The following CFAP221 variants were observed in gnomAD, a reference collection of about 807,000 sequenced individuals.
The protein encoded by CFAP221 is cilia- and flagella-associated protein 221.
In CFAP221, 97 loss-of-function variants were observed where a neutral mutation model predicts 113.1. That is an observed-to-expected ratio of 0.86 (90% confidence interval 0.73 to 1.02). The LOEUF is 1.02. CFAP221 is among the 50% of genes least tolerant of loss of function. The pLI, the probability that CFAP221 is intolerant of heterozygous loss-of-function variation, is 0.00. For synonymous variants in CFAP221, 331 were observed against 354.4 expected, an observed-to-expected ratio of 0.93 and a Z score of 0.74; for missense variants, 1,025 against 1,013.4, an observed-to-expected ratio of 1.01 and a Z score of -0.16.
rs777702663 is a variant in CFAP221 at position 119,638,341 on chromosome 2, C to A, written c.2057C>A (p.Pro686His). 1 of 1,614,124 alleles carries A rather than the reference C, an allele frequency of 6.2e-7. No individual in the cohort carries two copies. Among genetic ancestry groups the A allele is most frequent in the East Asian group, 2.2e-5 (1 of 44,884 alleles). Residue 686 changes from proline to histidine, a missense_variant, in exon 20 of 24, where the codon CCC becomes CAC. By Grantham distance (77) the Pro-to-His change is moderately conservative. Transcript: ENST00000413369. ...TLIDYHLCSHPKYKFTKESRH... is the reference protein window; with the variant it reads ...TLIDYHLCSHHKYKFTKESRH... ...ATAGATTACCATCTATGCTCTCACC[C>A]CAAGTACAAATTCACCAAAGAGTCC... is the stretch of plus-strand genomic sequence containing the variant.
chr2:119,589,596 C>T (rs1444963112), intron 7 of CFAP221: 2 of 152,240 alleles, frequency 1.3e-5, no homozygotes, highest in Admixed American at 6.5e-5. Context: ...GAAGCCATAT[C>T]TTCTCTAGGA....
chr2:119,659,718 G>A (rs72965070), downstream of CFAP221, among the ~76,000 whole-genome samples: 28,447 of 90,088 alleles, frequency 0.32, 2,848 homozygotes, highest in African/African-American at 0.35. Flanking sequence ...TAACCCACTC[G>A]TCCGCACCCC....
chr2:119,587,428 C>T (rs976594035), intron 7 of CFAP221, among the ~76,000 whole-genome samples: 11 of 152,264 alleles, frequency 7.2e-5, no homozygotes, highest in East Asian at 5.8e-4. Context: ...CTTCCATGAT[C>T]GAAACTTGAA....
chr2:119,612,817 C>T (rs1019272901), intron 13 of CFAP221, among the ~76,000 whole-genome samples: 2 of 152,212 alleles, frequency 1.3e-5, no homozygotes, highest in African/African-American at 4.8e-5. Flanking sequence ...CAATCATGCC[C>T]TTCCAACAGT....
chr2:119,545,574 C>G (rs900137716), intron 1 of CFAP221, among the ~76,000 whole-genome samples: 4 of 152,212 alleles, frequency 2.6e-5, no homozygotes, highest in Non-Finnish European at 4.4e-5. Context: ...CTCCTCATCA[C>G]CCTGTTAGCA....
intron 3 of CFAP221, among the ~76,000 whole-genome samples, chr2:119,557,907 G>A (rs371727776): frequency 4.8e-5 from 7 of 145,050 alleles, no homozygotes; most frequent in Admixed American, 7.1e-5. Flanking sequence ...TGCAGTGAGC[G>A]AAGATCGCGC....
chr2:119,639,490 A>G (rs1558987696), intron 20 of CFAP221, among the ~76,000 whole-genome samples: 1 of 152,154 alleles, frequency 6.6e-6, no homozygotes, highest in Non-Finnish European at 1.5e-5. Context: ...CAATAAACAA[A>G]ATAGATTCTA....
At chr2:119,582,749 C>T (rs1433575584) in intron 6 of CFAP221, among the ~76,000 whole-genome samples, 2 of 152,060 alleles carry the variant, frequency 1.3e-5, no homozygotes, top group Admixed American at 1.3e-4. Flanking sequence ...AGCCACAGCA[C>T]CCAGCTGTCA....
intron 6 of CFAP221, among the ~76,000 whole-genome samples, chr2:119,569,065 G>A (rs920088081): frequency 1.3e-5 from 2 of 151,840 alleles, no homozygotes; most frequent in African/African-American, 4.8e-5. Context: ...GGATAAGTCT[G>A]ATGTAATTCT....
intron 21 of CFAP221, among the ~76,000 whole-genome samples, chr2:119,642,567 A>T (rs1411894379): frequency 1.5e-5 from 2 of 131,724 alleles, no homozygotes; most frequent in Non-Finnish European, 3.1e-5. Context: ...TTTAGATGAG[A>T]TATCACTATC....
chr2:119,564,437 A>G (rs1681479826), intron 6 of CFAP221, among the ~76,000 whole-genome samples: 1 of 152,194 alleles, frequency 6.6e-6, no homozygotes, highest in African/African-American at 2.4e-5. Flanking sequence ...CACAGTTTGA[A>G]TAATAATAAT....
chr2:119,621,800 C>T (rs900129764), intron 14 of CFAP221, among the ~76,000 whole-genome samples: 5 of 152,024 alleles, frequency 3.3e-5, no homozygotes, highest in Admixed American at 1.3e-4. Context: ...GGGTAAATAA[C>T]GAAATGAAGA....
chr2:119,567,078 A>G (rs770006275), intron 6 of CFAP221, among the ~76,000 whole-genome samples: 2 of 151,576 alleles, frequency 1.3e-5, no homozygotes, highest in Admixed American at 6.6e-5. Flanking sequence ...CTTATCAACA[A>G]CCCCCACCCA....
At chr2:119,547,805 TATG>T (rs1188114035) in intron 2 of CFAP221, among the ~76,000 whole-genome samples, 3 of 152,084 alleles carry the variant, frequency 2.0e-5, no homozygotes, top group African/African-American at 7.2e-5. Context: ...ATCCTAGAAT[TATG>T]ATGATCAAAG....
chr2:119,636,480 T>C (rs1023568594), intron 19 of CFAP221, among the ~76,000 whole-genome samples: 4 of 152,190 alleles, frequency 2.6e-5, no homozygotes, highest in African/African-American at 9.7e-5. Flanking sequence ...AGCAGAATAA[T>C]GTAATCTTCA....
intron 14 of CFAP221, among the ~76,000 whole-genome samples, chr2:119,620,726 C>T (rs1368608089): frequency 6.6e-6 from 1 of 152,052 alleles, no homozygotes; most frequent in Admixed American, 6.6e-5. Context: ...TGACAGGATC[C>T]AATTCACACA....
In CFAP221 at chr2:119,638,549, C is replaced by T. The variant is rs536723116; in HGVS notation, c.2133+132C>T. ...AGCTGCAGAACAAGAATGGTAACACCGCCCCTCATACCGCCAGCCCTAAAG... is the reference window on the plus strand; with the variant it reads ...AGCTGCAGAACAAGAATGGTAACACTGCCCCTCATACCGCCAGCCCTAAAG... On this transcript the variant is annotated intron_variant, in intron 20 of 23. Transcript: ENST00000413369. 2.9e-4 allele frequency: 343 copies of T among 1,168,538 alleles called. 2 individuals are homozygous for T. Among genetic ancestry groups the T allele is most frequent in the Non-Finnish European group, 2.3e-4 (184 of 808,374 alleles). 72.4% of individuals were successfully genotyped at this position (1,168,538 alleles called of 1,614,324 possible).
intron 6 of CFAP221, among the ~76,000 whole-genome samples, chr2:119,570,487 T>C (rs1204062086): frequency 2.6e-5 from 4 of 152,218 alleles, no homozygotes; most frequent in Non-Finnish European, 5.9e-5. Context: ...AACATTTTTA[T>C]AACCCCCCCA....
At chr2:119,569,667 CTGTTTT>C (rs1408583324) in intron 6 of CFAP221, among the ~76,000 whole-genome samples, 2 of 151,700 alleles carry the variant, frequency 1.3e-5, no homozygotes, top group African/African-American at 2.4e-5. Flanking sequence ...TTTGGATATT[CTGTTTT>C]TGTTTTTGTT....
Sources: allele counts gnomAD v4.1 joint callset (sites outside exome capture counted in the v4.1 genomes callset), GRCh38; gene constraint gnomAD v4.1.1; transcripts MANE v1.5; gene names NCBI Gene and HGNC (gene_info 2026-07-23, HGNC 2026-07-21).